Variants in CCDC178 observed in about 807,000 individuals in gnomAD.
CCDC178 encodes the protein coiled-coil domain containing 178, also known as coiled-coil domain-containing protein 178.
CCDC178 carries 126 observed loss-of-function variants against 117.4 expected under a neutral mutation model. That is an observed-to-expected ratio of 1.07 (90% CI 0.93 to 1.24). The LOEUF is 1.24. CCDC178 is among the 50% of genes most tolerant of loss of function. The pLI is 0.00. For missense variants in CCDC178, 1,030 were observed against 986.9 expected, an observed-to-expected ratio of 1.04 and a Z score of -0.59; for synonymous variants, 283 against 313.4, an observed-to-expected ratio of 0.90 and a Z score of 1.02.
chr18:32,960,803 T>C (rs925267233), intron 22 of CCDC178, among the ~76,000 whole-genome samples: 2 of 152,168 alleles, frequency 1.3e-5, no homozygotes, highest in Non-Finnish European at 2.9e-5. Flanking sequence ...TTTCTAATTA[T>C]GTTCAAGATA....
At chr18:33,394,943 G>GTGTGTGTGTA (rs1222110972) in intron 4 of CCDC178, among the ~76,000 whole-genome samples, 6 of 61,506 alleles carry the variant, frequency 9.8e-5, no homozygotes, top group African/African-American at 3.6e-4. Context: ...ATATGTATGT[G>GTGTGTGTGTA]TATATATATA....
rs892625906 is a variant in CCDC178 at position 33,294,225 on chromosome 18, T to C, written c.1023-913A>G. Among the ~76,000 whole-genome samples the C allele has an allele frequency of 2.6e-4, 39 of 152,206 alleles. 1 individual carries two copies. The highest frequency in any genetic ancestry group is 2.9e-5 in the Non-Finnish European group (2 of 68,030). On this transcript the variant is annotated intron_variant, in intron 11 of 22. Transcript: ENST00000383096. ...TTCCAAATAAAATATTATCTTCAGA[T>C]ACTGTTATGGTTGTTTAATGGAGCA...
intron 21 of CCDC178, among the ~76,000 whole-genome samples, chr18:33,036,147 G>T (rs1236211842): frequency 2.0e-5 from 3 of 151,832 alleles, no homozygotes; most frequent in South Asian, 2.1e-4. Context: ...CTACTTAAAA[G>T]AATACCTATG....
At chr18:32,943,890 A>C (rs769304089) in intron 22 of CCDC178, among the ~76,000 whole-genome samples, 2 of 152,226 alleles carry the variant, frequency 1.3e-5, no homozygotes, top group Non-Finnish European at 2.9e-5. Context: ...TGTGCAGAAA[A>C]AGAATTTAGT....
chr18:33,000,359 A>G (rs1218909647), intron 21 of CCDC178, among the ~76,000 whole-genome samples: 4 of 152,172 alleles, frequency 2.6e-5, no homozygotes, highest in Non-Finnish European at 5.9e-5. Flanking sequence ...TAGCTTCAAA[A>G]AAGACAAAAT....
chr18:33,348,263 T>C (rs2062923551), intron 8 of CCDC178, among the ~76,000 whole-genome samples: 1 of 151,906 alleles, frequency 6.6e-6, no homozygotes, highest in Admixed American at 6.6e-5. Context: ...TTAGCAATTT[T>C]TTGTGGTAGG....
intron 21 of CCDC178, among the ~76,000 whole-genome samples, chr18:33,019,363 C>T (rs891523662): frequency 6.6e-6 from 1 of 152,120 alleles, no homozygotes; most frequent in Non-Finnish European, 1.5e-5. Context: ...TGGTGAAGAA[C>T]ATCATATCAG....
intron 22 of CCDC178, among the ~76,000 whole-genome samples, chr18:32,962,416 T>A (rs2054722521): frequency 6.6e-6 from 1 of 152,138 alleles, no homozygotes; most frequent in Non-Finnish European, 1.5e-5. Flanking sequence ...AATACTTCTT[T>A]TAGCATTTAC....
At chr18:32,940,671 C>T (rs1416853036) in intron 22 of CCDC178, among the ~76,000 whole-genome samples, 1 of 151,996 alleles carries the variant, frequency 6.6e-6, no homozygotes, top group Non-Finnish European at 1.5e-5. Flanking sequence ...CCTCTCCCTT[C>T]TCCCACCCTT....
intron 21 of CCDC178, among the ~76,000 whole-genome samples, chr18:33,092,232 T>C (rs1329850857): frequency 6.6e-6 from 1 of 152,174 alleles, no homozygotes; most frequent in Admixed American, 6.5e-5. Context: ...TTCTGATTCA[T>C]AGCATATTGT....
At chr18:33,007,038 G>T (rs2055765812) in intron 21 of CCDC178, among the ~76,000 whole-genome samples, 1 of 152,000 alleles carries the variant, frequency 6.6e-6, no homozygotes, top group Admixed American at 6.6e-5. Context: ...GTTAATGAAT[G>T]TATTATATGT....
chr18:33,192,354 G>A (rs1223346959), intron 20 of CCDC178, among the ~76,000 whole-genome samples: 2 of 152,138 alleles, frequency 1.3e-5, no homozygotes, highest in Non-Finnish European at 2.9e-5. Flanking sequence ...GTTTGTCTGT[G>A]GGTAAGACAC....
chr18:33,356,350 T>C lies in CCDC178; in HGVS notation c.349-4A>G. The C allele has an allele frequency of 6.8e-7, 1 of 1,480,758 alleles. No individual in the cohort carries two copies. Among genetic ancestry groups the C allele is most frequent in the Non-Finnish European group, 9.1e-7 (1 of 1,096,732 alleles). 91.7% of individuals were successfully genotyped at this position (1,480,758 alleles called of 1,614,324 possible). A position where few individuals can be genotyped will look rare whatever the true frequency, so the allele number is the denominator to read the frequency against. On this transcript the variant is annotated splice_polypyrimidine_tract_variant and splice_region_variant and intron_variant, in intron 6 of 22. Coordinates refer to ENST00000383096, the MANE Select transcript of CCDC178 (RefSeq NM_001105528.4). ...ATTCTTCAAAAGAAGTTTCAAACTGTCAAAACAAAAGATCTCAATAAAAAT... is the reference window on the plus strand; with the variant it reads ...ATTCTTCAAAAGAAGTTTCAAACTGCCAAAACAAAAGATCTCAATAAAAAT...
At chr18:33,266,582 G>T (rs1234264055) in intron 14 of CCDC178, among the ~76,000 whole-genome samples, 1 of 146,756 alleles carries the variant, frequency 6.8e-6, no homozygotes, top group East Asian at 2.0e-4. Context: ...TAAGTTTTAG[G>T]GTGAACAAAG....
At chr18:33,328,135 C>A in intron 10 of CCDC178, 1 of 241,192 alleles carries the variant, frequency 4.1e-6, no homozygotes, top group Non-Finnish European at 7.3e-6. Context: ...CAGAGTCTTG[C>A]TCTGTTGCCA....
intron 14 of CCDC178, among the ~76,000 whole-genome samples, chr18:33,258,521 T>C (rs1289302164): frequency 6.6e-6 from 1 of 152,170 alleles, no homozygotes; most frequent in Non-Finnish European, 1.5e-5. Flanking sequence ...TCTACCACAT[T>C]ATTCAGTTTT....
At chr18:33,030,522 AAGAT>A (rs61043322) in intron 21 of CCDC178, among the ~76,000 whole-genome samples, 4,098 of 140,808 alleles carry the variant, frequency 0.029, 75 homozygotes, top group African/African-American at 0.067. Context: ...GAACTGATAG[AAGAT>A]AGATAGATAG....
rs531981435 is a variant in CCDC178 at position 33,265,665 on chromosome 18, A to G, written c.1409+1251T>C. Among the ~76,000 whole-genome samples the G allele has an allele frequency of 3.3e-5, 5 of 152,170 alleles. No homozygotes were observed. The East Asian group carries it at 7.7e-4, about 24-fold the overall frequency. On this transcript the variant is annotated intron_variant, in intron 14 of 22. Transcript: ENST00000383096. The stretch of plus-strand genomic sequence containing the variant: ...TGAGACTGTAGAAGCAGATGTGCCT[A>G]TTCAAGGGACCTTGCAGGATATGTG...
chr18:33,346,190 T>C lies in CCDC178; in HGVS notation c.658+21A>G, dbSNP rs758227234. 6 of 1,548,766 alleles carry C rather than the reference T, an allele frequency of 3.9e-6. No individual in the cohort carries two copies. The South Asian group carries it at 5.7e-5, about 15-fold the overall frequency. ...GTGCCCCCAACAGAATAAGAAGTAA[T>C]ATAAAAATCCCTATTATTACCTTTC... On this transcript the variant is annotated intron_variant, in intron 9 of 22. Transcript: ENST00000383096.
Sources: allele counts gnomAD v4.1 joint callset (sites outside exome capture counted in the v4.1 genomes callset), GRCh38; gene constraint gnomAD v4.1.1; transcripts MANE v1.5; gene names NCBI Gene and HGNC (gene_info 2026-07-23, HGNC 2026-07-21).